GLDC: variants seen among roughly 807,000 people sequenced by gnomAD.
GLDC encodes glycine dehydrogenase (decarboxylating), mitochondrial.
GLDC carries 104 observed loss-of-function variants against 121.3 expected under a neutral mutation model. The ratio of observed to expected loss-of-function variants is 0.86; its 90% CI spans 0.73 to 1.01. The LOEUF is 1.01. Ranked by LOEUF, GLDC falls within the 50% of genes least tolerant of loss-of-function variation. GLDC has a pLI of 0.00. For synonymous variants in GLDC, 546 were observed against 480.6 expected (o/e 1.14, Z -1.78); for missense variants, 1,429 against 1,306.6 (o/e 1.09, Z -1.44).
intron 11 of GLDC, 200 bp downstream of exon 11, chr9:6,591,943 G>C: frequency 1.7e-6 from 1 of 591,134 alleles, no homozygotes; most frequent in Non-Finnish European, 3.1e-6. Flanking sequence ...TAGCCTGGGT[G>C]CATAATACTG....
chr9:6,560,806 A>G (rs1817740255), intron 16 of GLDC, among the ~76,000 whole-genome samples: 1 of 152,210 alleles, frequency 6.6e-6, no homozygotes, highest in African/African-American at 2.4e-5. Flanking sequence ...GTGTTTCCTT[A>G]TATGGCAAGG....
rs543718579 is a variant in GLDC at position 6,644,638 on chromosome 9, G to T, written c.310C>A (p.Pro104Thr). 44 of 1,612,772 alleles carry T rather than the reference G, an allele frequency of 2.7e-5. 1 individual carries two copies. The South Asian group carries it at 4.6e-4, about 17-fold the overall frequency. ...TVPANIRLKR[P>T]LKMEDPVCEN... The stretch of plus-strand genomic sequence containing the variant: ...CAAACAGGGTCTTCCATTTTCAAGG[G>T]TCTTTTCAAACGGATGTTGGCAGGG... The change falls in exon 2 of 25, where the codon CCC (proline) becomes ACC (threonine). Residue 104 changes from proline (P) to threonine (T), a missense_variant. Transcript: ENST00000321612.
intron 2 of GLDC, among the ~76,000 whole-genome samples, chr9:6,620,960 G>C (rs531685824): frequency 6.6e-6 from 1 of 152,170 alleles, no homozygotes; most frequent in Non-Finnish European, 1.5e-5. Context: ...CTGAGGTCAG[G>C]AGTTCAAGAC....
chr9:6,536,771 C>A (rs987102246), intron 22 of GLDC, among the ~76,000 whole-genome samples: 23 of 152,154 alleles, frequency 1.5e-4, no homozygotes, highest in African/African-American at 5.5e-4. Context: ...TATAGCTTAT[C>A]AAAAGTTAAA....
chr9:6,612,251 T>TCACACACA (rs145465375), intron 3 of GLDC, among the ~76,000 whole-genome samples: 84 of 143,962 alleles, frequency 5.8e-4, no homozygotes, highest in African/African-American at 1.9e-3. Flanking sequence ...TCTCTCTCTC[T>TCACACACA]CTCACACACA....
intron 22 of GLDC, among the ~76,000 whole-genome samples, chr9:6,538,552 A>C (rs1183500876): frequency 1.3e-5 from 2 of 152,180 alleles, no homozygotes; most frequent in Non-Finnish European, 2.9e-5. Flanking sequence ...ATTTATTAAC[A>C]CTATGTGTTG....
intron 11 of GLDC, among the ~76,000 whole-genome samples, chr9:6,589,522 A>C (rs1046677415): frequency 3.9e-5 from 6 of 152,070 alleles, no homozygotes; most frequent in African/African-American, 1.4e-4. Flanking sequence ...CCTTGGCCCT[A>C]CTGGGCTCAA....
intron 15 of GLDC, among the ~76,000 whole-genome samples, chr9:6,581,012 A>T (rs1818161048): frequency 6.6e-6 from 1 of 152,204 alleles, no homozygotes; most frequent in South Asian, 2.1e-4. Context: ...ACCGTATATG[A>T]ACTCAAGCAT....
intron 22 of GLDC, among the ~76,000 whole-genome samples, chr9:6,539,470 C>A (rs1817207922): frequency 6.6e-6 from 1 of 152,148 alleles, no homozygotes; most frequent in South Asian, 2.1e-4. Context: ...CAAAGTGAGA[C>A]TCTGTCTCCC....
intron 2 of GLDC, among the ~76,000 whole-genome samples, chr9:6,620,803 T>C (rs1386796506): frequency 6.6e-6 from 1 of 152,172 alleles, no homozygotes; most frequent in Non-Finnish European, 1.5e-5. Context: ...CATTCCTCCT[T>C]TGTGTCACTG....
chr9:6,575,632 G>A (rs761811396), intron 15 of GLDC, among the ~76,000 whole-genome samples: 4 of 152,144 alleles, frequency 2.6e-5, no homozygotes, highest in Non-Finnish European at 5.9e-5. Flanking sequence ...GGCCACCTCC[G>A]TCTACATTAA....
chr9:6,533,410 G>C (rs1337938545), intron 24 of GLDC, among the ~76,000 whole-genome samples: 1 of 152,160 alleles, frequency 6.6e-6, no homozygotes, highest in Non-Finnish European at 1.5e-5. Flanking sequence ...TAGCAAAGTT[G>C]TGTTTGAAAG....
At chr9:6,644,492 A>T (rs1200942351) in intron 2 of GLDC, 122 bp downstream of exon 2, 1 of 739,160 alleles carries the variant, frequency 1.4e-6, no homozygotes, top group Non-Finnish European at 2.4e-6. Flanking sequence ...CCACTGTTTT[A>T]TTTTAATCCA....
chr9:6,607,703 G>C (rs1818764127), intron 4 of GLDC, among the ~76,000 whole-genome samples: 1 of 152,008 alleles, frequency 6.6e-6, no homozygotes, highest in Non-Finnish European at 1.5e-5. Context: ...GAGTGCAGTA[G>C]CGCCATCACA....
intron 15 of GLDC, among the ~76,000 whole-genome samples, chr9:6,583,894 T>G (rs1818217203): frequency 6.6e-6 from 1 of 152,164 alleles, no homozygotes; most frequent in Non-Finnish European, 1.5e-5. Context: ...GAGTTACTGT[T>G]TAACAGGTCC....
intron 21 of GLDC, among the ~76,000 whole-genome samples, chr9:6,545,066 T>C (rs1197041394): frequency 6.7e-6 from 1 of 150,250 alleles, no homozygotes; most frequent in Non-Finnish European, 1.5e-5. Context: ...GCCATTGCAA[T>C]CCAGTCTGGG....
At chr9:6,634,301 A>G (rs1819453782) in intron 2 of GLDC, among the ~76,000 whole-genome samples, 1 of 151,992 alleles carries the variant, frequency 6.6e-6, no homozygotes, top group Admixed American at 6.6e-5. Flanking sequence ...AGGCCAAGGC[A>G]GGCGGGTTGC....
chr9:6,536,273 G>C (rs1374458736), intron 22 of GLDC, 37 bp from the exon 23 acceptor site: 1 of 1,565,260 alleles, frequency 6.4e-7, no homozygotes, highest in African/African-American at 1.4e-5. Flanking sequence ...CTCACTGAAG[G>C]TCAGTGGCCT....
chr9:6,571,153 C>G (rs557942968), intron 15 of GLDC, among the ~76,000 whole-genome samples: 1 of 151,836 alleles, frequency 6.6e-6, no homozygotes, highest in African/African-American at 2.4e-5. Flanking sequence ...GGCAAAGTAA[C>G]TGGAATAGCT....
Sources: gnomAD v4.1 joint callset for allele counts (sites outside exome capture counted in the v4.1 genomes callset) on GRCh38, gnomAD v4.1.1 for gene constraint, MANE v1.5 for transcripts, NCBI Gene and HGNC (gene_info 2026-07-23, HGNC 2026-07-21) for gene names.